The following TMEFF2 variants were observed in gnomAD, a reference collection of about 807,000 sequenced individuals.
TMEFF2 encodes the protein tomoregulin-2.
Under a neutral mutation model 53.8 loss-of-function variants are expected in TMEFF2, and 28 were observed. The observed-to-expected ratio is 0.52, with a 90% CI of 0.39 to 0.71. TMEFF2 has a LOEUF of 0.71. Ranked by LOEUF, TMEFF2 falls within the 30% of genes least tolerant of loss-of-function variation. The pLI, the probability that TMEFF2 is intolerant of heterozygous loss-of-function variation, is 0.00. For synonymous variants in TMEFF2, 162 were observed against 166.3 expected (o/e 0.97, Z 0.20); for missense variants, 353 against 455.2 (o/e 0.78, Z 2.04).
In TMEFF2 at chr2:192,000,074, T is replaced by C. The variant is rs1045357135; in HGVS notation, c.537-866A>G. Reference sequence around the variant, plus strand: ...TAAACATTTTCAAGAAAATTTTATATGATTGTTCCTATATCTTTACACTTC... The same window carrying C: ...TAAACATTTTCAAGAAAATTTTATACGATTGTTCCTATATCTTTACACTTC... On this transcript the variant is annotated intron_variant, in intron 5 of 9. Coordinates refer to ENST00000272771, the MANE Select transcript of TMEFF2 (RefSeq NM_016192.4). Among the ~76,000 whole-genome samples the C allele has an allele frequency of 2.6e-5, 4 of 152,284 alleles. No homozygotes were observed. The South Asian group carries it at 6.2e-4, about 24-fold the overall frequency.
intron 2 of TMEFF2, among the ~76,000 whole-genome samples, chr2:192,189,728 A>T (rs1030671111): frequency 6.6e-6 from 1 of 152,068 alleles, no homozygotes; most frequent in African/African-American, 2.4e-5. Flanking sequence ...GAAAAGATGG[A>T]CTCAAGAGAC....
intron 4 of TMEFF2, among the ~76,000 whole-genome samples, chr2:192,108,744 C>T (rs184886396): frequency 3.3e-5 from 5 of 152,060 alleles, no homozygotes; most frequent in African/African-American, 4.8e-5. Flanking sequence ...GATACCTGTA[C>T]GCCAATATTC....
chr2:191,971,728 G>T (rs1267903991), intron 7 of TMEFF2, among the ~76,000 whole-genome samples: 1 of 152,084 alleles, frequency 6.6e-6, no homozygotes, highest in Non-Finnish European at 1.5e-5. Flanking sequence ...AATACTACAG[G>T]TATAGTATGT....
At chr2:192,150,088 C>T (rs910592993) in intron 4 of TMEFF2, among the ~76,000 whole-genome samples, 2 of 151,844 alleles carry the variant, frequency 1.3e-5, no homozygotes, top group African/African-American at 4.8e-5. Context: ...ATATCTTGTT[C>T]ATTTATATAC....
chr2:192,164,505 G>A (rs1044547535), intron 4 of TMEFF2, among the ~76,000 whole-genome samples: 2 of 152,224 alleles, frequency 1.3e-5, no homozygotes, highest in Non-Finnish European at 2.9e-5. Flanking sequence ...TGAGGCAGGT[G>A]GATCACGAGG....
intron 5 of TMEFF2, among the ~76,000 whole-genome samples, chr2:192,044,680 G>A (rs1003456238): frequency 2.0e-5 from 3 of 152,196 alleles, no homozygotes; most frequent in Admixed American, 6.5e-5. Flanking sequence ...CAGGGATGCT[G>A]TCTGGAGCCT....
chr2:192,013,089 ATGAG>A (rs1304827132), intron 5 of TMEFF2, among the ~76,000 whole-genome samples: 22 of 152,322 alleles, frequency 1.4e-4, no homozygotes, highest in African/African-American at 4.8e-4. Context: ...TAAAATGTAA[ATGAG>A]AATCAGTCCC....
intron 5 of TMEFF2, among the ~76,000 whole-genome samples, chr2:192,054,265 G>A (rs1457634139): frequency 2.6e-5 from 4 of 151,902 alleles, no homozygotes; most frequent in Non-Finnish European, 4.4e-5. Context: ...TTTCTCAGAT[G>A]TAGGCTATGC....
Position 192,065,932 on chromosome 2 carries a change from C to T in TMEFF2, c.440-8157G>A, listed in dbSNP as rs1458469806. Among the ~76,000 whole-genome samples the T allele has an allele frequency of 2.6e-5, 4 of 151,726 alleles. No individual in the cohort carries two copies. In the Admixed American group the frequency reaches 2.6e-4, roughly 10 times the overall value. On this transcript the variant is annotated intron_variant, in intron 4 of 9. Coordinates refer to ENST00000272771, the MANE Select transcript of TMEFF2 (RefSeq NM_016192.4). ...GTGTGAGTTTTCCCTCCATATGCTTCTCCCACATGTGAGTAAGTTGTATTT... is the reference window on the plus strand; with the variant it reads ...GTGTGAGTTTTCCCTCCATATGCTTTTCCCACATGTGAGTAAGTTGTATTT...
rs181752926 is a variant in TMEFF2, at chr2:192,082,766, A to G, written c.440-24991T>C. 9.4e-4 allele frequency among the ~76,000 whole-genome samples: 141 copies of G among 150,526 alleles called. No individual in the cohort carries two copies. In the East Asian group the frequency reaches 0.017, roughly 18 times the overall value. On this transcript the variant is annotated intron_variant, in intron 4 of 9. Coordinates refer to ENST00000272771, the MANE Select transcript of TMEFF2 (RefSeq NM_016192.4). ...GGTATTTATTTTGGTGCATTTCCCC[A>G]AACTGTTATTCCTAAAAATTAATTT...
intron 5 of TMEFF2, among the ~76,000 whole-genome samples, chr2:192,055,218 A>G (rs1687873807): frequency 6.6e-6 from 1 of 152,224 alleles, no homozygotes; most frequent in Non-Finnish European, 1.5e-5. Flanking sequence ...TGACTACAGA[A>G]GAGCCCTAAA....
At chr2:192,131,368 A>G (rs1689823268) in intron 4 of TMEFF2, among the ~76,000 whole-genome samples, 1 of 150,876 alleles carries the variant, frequency 6.6e-6, no homozygotes, top group Non-Finnish European at 1.5e-5. Context: ...AGGGGCAAGT[A>G]CCCCTCAACC....
chr2:191,966,745 A>G (rs1692483281), intron 7 of TMEFF2, among the ~76,000 whole-genome samples: 1 of 152,208 alleles, frequency 6.6e-6, no homozygotes, highest in Non-Finnish European at 1.5e-5. Context: ...CCATGCATTT[A>G]TTCTCATACT....
intron 5 of TMEFF2, among the ~76,000 whole-genome samples, chr2:192,011,125 G>A (rs945610700): frequency 1.3e-5 from 2 of 152,166 alleles, no homozygotes; most frequent in African/African-American, 4.8e-5. Context: ...AGTGACTATA[G>A]CTACAGATAA....
rs369924187 is a variant in TMEFF2, at chr2:191,979,094, C to A, written c.745+19168G>T. ...TGGTAGTTTACATATTAGGATTTACCGGAGAAATGTTCCCAAAGTGACCGT... is the reference window on the plus strand; with the variant it reads ...TGGTAGTTTACATATTAGGATTTACAGGAGAAATGTTCCCAAAGTGACCGT... On this transcript the variant is annotated intron_variant, in intron 7 of 9. Transcript: ENST00000272771. Among the ~76,000 whole-genome samples the A allele has an allele frequency of 1.2e-3, 185 of 152,110 alleles. 1 individual carries two copies. Among genetic ancestry groups the A allele is most frequent in the African/African-American group, 4.2e-3 (176 of 41,504 alleles).
intron 4 of TMEFF2, among the ~76,000 whole-genome samples, chr2:192,103,607 G>T (rs1689082447): frequency 6.6e-6 from 1 of 151,952 alleles, no homozygotes; most frequent in South Asian, 2.1e-4. Flanking sequence ...TTTGTGTTAA[G>T]TAAGCTTACA....
At chr2:192,189,004 A>T (rs1437759663) in intron 2 of TMEFF2, among the ~76,000 whole-genome samples, 1 of 152,152 alleles carries the variant, frequency 6.6e-6, no homozygotes, top group Non-Finnish European at 1.5e-5. Context: ...AAACCTTCAC[A>T]TGTACCCCAA....
intron 4 of TMEFF2, 139 bp downstream of exon 4, chr2:192,179,529 C>A: frequency 1.1e-6 from 1 of 873,928 alleles, no homozygotes; most frequent in African/African-American, 1.8e-5. Context: ...AATATGGTGA[C>A]AATTTTTTAT....
At chr2:191,963,067 T>C (rs1692317776) in intron 7 of TMEFF2, among the ~76,000 whole-genome samples, 1 of 152,108 alleles carries the variant, frequency 6.6e-6, no homozygotes, top group African/African-American at 2.4e-5. Context: ...TGGGAAGAGG[T>C]AGGAATCTAT....
Sources: gnomAD v4.1 joint callset for allele counts (sites outside exome capture counted in the v4.1 genomes callset) on GRCh38, gnomAD v4.1.1 for gene constraint, MANE v1.5 for transcripts, NCBI Gene and HGNC (gene_info 2026-07-23, HGNC 2026-07-21) for gene names.